The following DGKB variants were observed in gnomAD, a reference collection of about 807,000 sequenced individuals.
DGKB encodes diacylglycerol kinase beta, also known as 90 kDa diacylglycerol kinase.
Under a neutral mutation model 114.3 loss-of-function variants are expected in DGKB, and 67 were observed. That is an observed-to-expected ratio of 0.59 (90% CI 0.48 to 0.72). The LOEUF (loss-of-function observed/expected upper bound fraction) is 0.72. Among genes scored for constraint, DGKB ranks in the 30% least tolerant of loss-of-function variants. The probability of loss-of-function intolerance (pLI) is 0.00; values close to 1 mark genes in which losing one functional copy is unlikely to be tolerated. For synonymous variants in DGKB, 398 were observed against 323.1 expected (o/e 1.23, Z -2.49); for missense variants, 907 against 975.2 (o/e 0.93, Z 0.93).
chr7:14,569,256 C>A (rs1238362539), intron 20 of DGKB, among the ~76,000 whole-genome samples: 1 of 152,072 alleles, frequency 6.6e-6, no homozygotes, highest in African/African-American at 2.4e-5. Context: ...CCCTAATCCC[C>A]ATATTATGCT....
chr7:14,274,888 G>A (rs1178767948), intron 23 of DGKB, among the ~76,000 whole-genome samples: 1 of 151,686 alleles, frequency 6.6e-6, no homozygotes, highest in Non-Finnish European at 1.5e-5. Flanking sequence ...CTATCACATT[G>A]AGGATTAGAA....
chr7:14,566,911 C>G (rs1044017467), intron 20 of DGKB, among the ~76,000 whole-genome samples: 7 of 151,322 alleles, frequency 4.6e-5, no homozygotes, highest in African/African-American at 1.7e-4. Context: ...TCCTGACTCT[C>G]AGATCTACGG....
At chr7:14,356,155 G>T (rs1257360923) in intron 21 of DGKB, among the ~76,000 whole-genome samples, 1 of 151,842 alleles carries the variant, frequency 6.6e-6, no homozygotes, top group African/African-American at 2.4e-5. Flanking sequence ...GCATCTATTT[G>T]ATTCTTTCCT....
At chr7:14,725,533 C>A (rs1411018353) in intron 5 of DGKB, among the ~76,000 whole-genome samples, 4 of 151,540 alleles carry the variant, frequency 2.6e-5, no homozygotes, top group Non-Finnish European at 5.9e-5. Flanking sequence ...TGTATAATAT[C>A]TTTAAAACAA....
At chr7:14,612,781 T>C (rs931689816) in intron 16 of DGKB, among the ~76,000 whole-genome samples, 1 of 152,132 alleles carries the variant, frequency 6.6e-6, no homozygotes, top group Non-Finnish European at 1.5e-5. Flanking sequence ...CATATTTGTA[T>C]TAAATAATAT....
intron 6 of DGKB, among the ~76,000 whole-genome samples, chr7:14,710,208 G>A (rs922560886): frequency 2.0e-5 from 3 of 151,854 alleles, no homozygotes; most frequent in East Asian, 3.9e-4. Flanking sequence ...ATTTCATATT[G>A]TTCTGTATAG....
chr7:14,919,101 C>CACACAA (rs1554345197), intron 1 of DGKB, among the ~76,000 whole-genome samples: 3 of 140,950 alleles, frequency 2.1e-5, no homozygotes, highest in Non-Finnish European at 4.8e-5. Context: ...CACAAACACA[C>CACACAA]ACACACACAC....
chr7:14,189,622 C>G (rs1784017947), intron 23 of DGKB, among the ~76,000 whole-genome samples: 1 of 151,552 alleles, frequency 6.6e-6, no homozygotes, highest in African/African-American at 2.4e-5. Flanking sequence ...GCTGAATAGG[C>G]AAAATAAAAT....
At chr7:14,921,231 A>T (rs1238198132) in intron 1 of DGKB, among the ~76,000 whole-genome samples, 4 of 152,160 alleles carry the variant, frequency 2.6e-5, no homozygotes, top group Non-Finnish European at 5.9e-5. Flanking sequence ...TCTACATGAA[A>T]CTGTAATTGT....
intron 23 of DGKB, among the ~76,000 whole-genome samples, chr7:14,278,382 C>T: frequency 6.6e-6 from 1 of 152,134 alleles, no homozygotes; most frequent in East Asian, 1.9e-4. Flanking sequence ...GCCAAAAACA[C>T]ACAATGGGGA....
chr7:14,184,348 G>A lies in DGKB; in HGVS notation c.2123-6197C>T, dbSNP rs375927740. 4.3e-3 allele frequency among the ~76,000 whole-genome samples: 659 copies of A among 152,232 alleles called. 6 individuals are homozygous for A. The highest frequency in any genetic ancestry group is 0.015 in the African/African-American group (614 of 41,544). On this transcript the variant is annotated intron_variant, in intron 23 of 25. Transcript: ENST00000402815. ...TGTGCAAACTCCACAGGCAGGGGAAGAACCAAGACCTTTTCTTTCGCAGTT... is the reference window on the plus strand; with the variant it reads ...TGTGCAAACTCCACAGGCAGGGGAAAAACCAAGACCTTTTCTTTCGCAGTT...
chr7:14,956,973 G>A (rs1039530974), intron 1 of DGKB, among the ~76,000 whole-genome samples: 9 of 151,746 alleles, frequency 5.9e-5, no homozygotes, highest in Non-Finnish European at 1.3e-4. Context: ...ATCCATTGCA[G>A]AGGAATTGAA....
intron 25 of DGKB, among the ~76,000 whole-genome samples, chr7:14,159,758 C>T (rs185351628): frequency 1.7e-3 from 252 of 152,234 alleles, no homozygotes; most frequent in African/African-American, 5.5e-3. Flanking sequence ...CAACCACCCC[C>T]GTCTCCTGGG....
intron 2 of DGKB, among the ~76,000 whole-genome samples, chr7:14,785,938 G>C (rs1358287544): frequency 2.0e-5 from 3 of 150,372 alleles, no homozygotes; most frequent in Admixed American, 6.6e-5. Flanking sequence ...GATAAAGAAA[G>C]TCATCTTTCA....
chr7:14,899,727 A>G (rs538975182), intron 1 of DGKB, among the ~76,000 whole-genome samples: 3 of 152,130 alleles, frequency 2.0e-5, no homozygotes, highest in Admixed American at 2.0e-4. Context: ...GGGTCAATGC[A>G]GGTGGATTCC....
chr7:14,805,848 G>C (rs1842732130), intron 2 of DGKB, among the ~76,000 whole-genome samples: 1 of 150,954 alleles, frequency 6.6e-6, no homozygotes, highest in Non-Finnish European at 1.5e-5. Flanking sequence ...CAAAAATTTA[G>C]AGAATTTGAG....
chr7:14,880,528 CTCAAGA>C (rs1562799533), intron 1 of DGKB, among the ~76,000 whole-genome samples: 1 of 152,102 alleles, frequency 6.6e-6, no homozygotes, highest in Non-Finnish European at 1.5e-5. Flanking sequence ...TTGCTAGTTA[CTCAAGA>C]TCAAGTTGGA....
At chr7:14,870,470 C>T (rs1019645778) in intron 1 of DGKB, among the ~76,000 whole-genome samples, 16 of 152,162 alleles carry the variant, frequency 1.1e-4, no homozygotes, top group South Asian at 4.1e-4. Context: ...GACTTAAGTA[C>T]GAACTTTTGT....
intron 5 of DGKB, among the ~76,000 whole-genome samples, chr7:14,729,340 T>C (rs896916795): frequency 6.6e-6 from 1 of 151,950 alleles, no homozygotes; most frequent in Admixed American, 6.6e-5. Context: ...GCCAGGATGG[T>C]CTCGATCTCC....
Sources: gnomAD v4.1 joint callset for allele counts (sites outside exome capture counted in the v4.1 genomes callset) on GRCh38, gnomAD v4.1.1 for gene constraint, MANE v1.5 for transcripts, NCBI Gene and HGNC (gene_info 2026-07-23, HGNC 2026-07-21) for gene names.